Variants in MAPK14 observed in about 807,000 individuals in gnomAD.
The protein encoded by MAPK14 is mitogen-activated protein kinase 14.
A neutral mutation model predicts 49.6 loss-of-function variants in MAPK14; 16 were observed. The observed-to-expected ratio is 0.32, with a 90% CI of 0.22 to 0.49. MAPK14 has a LOEUF of 0.49. Among genes scored for constraint, MAPK14 ranks in the 20% least tolerant of loss-of-function variants. MAPK14 has a pLI of 0.99. For synonymous variants in MAPK14, 142 were observed against 158.0 expected, an observed-to-expected ratio of 0.90 and a Z score of 0.76; for missense variants, 200 against 441.2, an observed-to-expected ratio of 0.45 and a Z score of 4.90.
intron 11 of MAPK14, 117 bp from the exon 12 acceptor site, chr6:36,108,263 C>A: frequency 1.4e-6 from 1 of 738,340 alleles, no homozygotes. Flanking sequence ...TGTGAGGTAG[C>A]CCATCAAACC....
chr6:36,121,591 C>G, the MAPK14 span, among the ~76,000 whole-genome samples: 2 of 152,174 alleles, frequency 1.3e-5, no homozygotes, highest in African/African-American at 2.4e-5. Context: ...CCTCCACAGC[C>G]CCTTACTCAT....
At position 36,072,883 on chromosome 6, in the gene MAPK14, A is replaced by T. The variant is rs199803489; in HGVS notation, c.316A>T (p.Thr106Ser). The change falls in exon 4 of 12, where the codon ACC (threonine) becomes TCC (serine). Residue 106 changes from threonine (T) to serine (S), a missense_variant. By Grantham distance (58) the Thr-to-Ser change is moderately conservative. This residue lies in a region of MAPK14 where 170 missense variants were observed against 407.0 expected (regional missense o/e 0.42). Coordinates refer to ENST00000229794, the MANE Select transcript of MAPK14 (RefSeq NM_139012.3). The part of the protein sequence containing the change: ...LEEFNDVYLV[T>S]HLMGADLNNI... The stretch of plus-strand genomic sequence containing the variant: ...TTCACTAATTTCTAGGTATCTGGTG[A>T]CCCATCTCATGGGGGCAGATCTGAA... 8.2e-6 allele frequency: 13 copies of T among 1,590,648 alleles called. No individual in the cohort carries two copies. Among genetic ancestry groups the T allele is most frequent in the Non-Finnish European group, 1.1e-5 (13 of 1,162,684 alleles).
intron 3 of MAPK14, among the ~76,000 whole-genome samples, chr6:36,063,638 T>C (rs1763919659): frequency 2.0e-5 from 3 of 152,194 alleles, no homozygotes; most frequent in African/African-American, 7.2e-5. Context: ...TTCAGATTTT[T>C]GCTATGTTTT....
intron 3 of MAPK14, 110 bp downstream of exon 3, chr6:36,059,457 C>T: frequency 1.3e-6 from 1 of 773,676 alleles, no homozygotes; most frequent in Non-Finnish European, 2.2e-6. Flanking sequence ...ATTCTTTATT[C>T]CTATCATGCA....
intron 2 of MAPK14, among the ~76,000 whole-genome samples, chr6:36,053,639 A>G (rs1347646645): frequency 6.6e-6 from 1 of 152,196 alleles, no homozygotes; most frequent in African/African-American, 2.4e-5. Flanking sequence ...AACAATGGCC[A>G]TAGAGATTTC....
intron 1 of MAPK14, among the ~76,000 whole-genome samples, chr6:36,034,393 T>C (rs1429975490): frequency 6.6e-6 from 1 of 152,250 alleles, no homozygotes; most frequent in African/African-American, 2.4e-5. Flanking sequence ...ATGTTTGTGT[T>C]ACATAAGTAT....
At chr6:36,065,509 TG>T (rs1311595195) in intron 3 of MAPK14, among the ~76,000 whole-genome samples, 1 of 121,156 alleles carries the variant, frequency 8.3e-6, no homozygotes, top group Non-Finnish European at 1.7e-5. Context: ...GCAGAAAAGG[TG>T]TGTGTGTGTG....
intron 6 of MAPK14, among the ~76,000 whole-genome samples, 181 bp downstream of exon 6, chr6:36,074,277 G>A (rs565317563): frequency 6.6e-6 from 1 of 152,142 alleles, no homozygotes; most frequent in South Asian, 2.1e-4. Flanking sequence ...ATTGAAAGTG[G>A]CATCACTTGT....
At chr6:36,072,194 T>G (rs1368598067) in intron 3 of MAPK14, among the ~76,000 whole-genome samples, 1 of 152,054 alleles carries the variant, frequency 6.6e-6, no homozygotes, top group African/African-American at 2.4e-5. Context: ...AAAAATTAGC[T>G]GTGCGTGGTG....
At chr6:36,045,808 C>CAAAAAAAAAAA (rs371920281) in intron 1 of MAPK14, among the ~76,000 whole-genome samples, 10 of 46,396 alleles carry the variant, frequency 2.2e-4, no homozygotes, top group East Asian at 6.6e-4. Flanking sequence ...GACTCTGTCT[C>CAAAAAAAAAAA]AAAAAAAAAA....
intron 11 of MAPK14, among the ~76,000 whole-genome samples, chr6:36,108,036 C>T (rs1189616760): frequency 6.6e-6 from 1 of 152,166 alleles, no homozygotes; most frequent in Admixed American, 6.5e-5. Context: ...ATATTCTTTC[C>T]ACAAAACACA....
chr6:36,117,074 T>G, the MAPK14 span, among the ~76,000 whole-genome samples: 19 of 152,212 alleles, frequency 1.2e-4, 3 homozygotes, highest in Non-Finnish European at 1.5e-5. Context: ...GCTGGCCAAA[T>G]TGGGGAGGAG....
intron 8 of MAPK14, among the ~76,000 whole-genome samples, chr6:36,094,840 T>C (rs565660738): frequency 6.6e-6 from 1 of 152,106 alleles, no homozygotes; most frequent in East Asian, 1.9e-4. Flanking sequence ...TTATCAAGCA[T>C]GGTGCTGAGA....
chr6:36,080,721 T>C (rs1764721887), intron 8 of MAPK14, among the ~76,000 whole-genome samples: 1 of 152,194 alleles, frequency 6.6e-6, no homozygotes, highest in South Asian at 2.1e-4. Context: ...AGGAGTGGAA[T>C]TGTTGCATCA....
rs568724834 is a variant in MAPK14 at position 36,046,944 on chromosome 6, T to C, written c.117-5755T>C. 3.9e-5 allele frequency among the ~76,000 whole-genome samples: 6 copies of C among 152,248 alleles called. 1 individual carries two copies. The South Asian group carries it at 1.0e-3, about 26-fold the overall frequency. On this transcript the variant is annotated intron_variant, in intron 1 of 11. Transcript: ENST00000229794. ...CTTACCAATGGAGGAGAGAAGAAAG[T>C]GTTCAGCTTGCAGGTGGAAGGCAAA...
chr6:36,039,172 C>T (rs887529567), intron 1 of MAPK14, among the ~76,000 whole-genome samples: 19 of 152,194 alleles, frequency 1.2e-4, no homozygotes, highest in African/African-American at 4.6e-4. Context: ...ATTGTCCTCC[C>T]TGCCTTTACA....
chr6:36,121,693 A>G, the MAPK14 span, among the ~76,000 whole-genome samples: 13 of 152,064 alleles, frequency 8.5e-5, no homozygotes, highest in South Asian at 2.1e-4. Context: ...GGGTCTTGCA[A>G]TGTTCTTTCT....
At chr6:36,029,235 TTA>T (rs1762439692) in intron 1 of MAPK14, 1 of 152,086 alleles carries the variant, frequency 6.6e-6, no homozygotes, top group South Asian at 2.1e-4. Flanking sequence ...TTGCAGGGAG[TTA>T]TCTAGTTATC....
chr6:36,030,797 A>T (rs1398727329), intron 1 of MAPK14, among the ~76,000 whole-genome samples: 1 of 151,510 alleles, frequency 6.6e-6, no homozygotes, highest in Non-Finnish European at 1.5e-5. Flanking sequence ...GTCTTTCCAG[A>T]GAGGCAGTTT....
Sources: allele counts gnomAD v4.1 joint callset (sites outside exome capture counted in the v4.1 genomes callset), GRCh38; gene constraint gnomAD v4.1.1; regional missense constraint gnomAD v4.1.1; transcripts MANE v1.5; gene names NCBI Gene and HGNC (gene_info 2026-07-23, HGNC 2026-07-21).